TSPEAR: variants seen among roughly 807,000 people sequenced by gnomAD.
The protein encoded by TSPEAR is thrombospondin type laminin G domain and EAR repeats.
TSPEAR carries 69 observed loss-of-function variants against 71.6 expected under a neutral mutation model. The ratio of observed to expected loss-of-function variants is 0.96; its 90% CI spans 0.79 to 1.18. TSPEAR has a LOEUF of 1.18. Ranked by LOEUF, TSPEAR falls within the 50% of genes most tolerant of loss-of-function variation. TSPEAR has a pLI of 0.00. For missense variants in TSPEAR, 971 were observed against 894.9 expected, an observed-to-expected ratio of 1.09 and a Z score of -1.09; for synonymous variants, 402 against 387.2, an observed-to-expected ratio of 1.04 and a Z score of -0.45.
At chr21:44,644,960 C>A (rs587694761) in intron 1 of TSPEAR, among the ~76,000 whole-genome samples, 1 of 152,024 alleles carries the variant, frequency 6.6e-6, no homozygotes, top group South Asian at 2.1e-4. Context: ...TAAAAAATGA[C>A]AAATGACCAG....
At chr21:44,575,880 C>T (rs587730329) in intron 1 of TSPEAR, among the ~76,000 whole-genome samples, 94 of 149,050 alleles carry the variant, frequency 6.3e-4, no homozygotes, top group African/African-American at 2.2e-3. Context: ...ACCCTCCGGC[C>T]TCTCTAAGGT....
At chr21:44,659,225 T>G (rs1490596131) in intron 1 of TSPEAR, among the ~76,000 whole-genome samples, 1 of 151,682 alleles carries the variant, frequency 6.6e-6, no homozygotes, top group Non-Finnish European at 1.5e-5. Context: ...ACGTCAGGCA[T>G]GCAGGGGCGT....
chr21:44,697,010 C>A (rs186620196), intron 1 of TSPEAR, among the ~76,000 whole-genome samples: 4 of 139,230 alleles, frequency 2.9e-5, no homozygotes, highest in Non-Finnish European at 6.5e-5. Flanking sequence ...CCCTCCTTCC[C>A]ATCCAGCACC....
intron 1 of TSPEAR, chr21:44,675,807 T>G: frequency 1.7e-6 from 1 of 572,064 alleles, no homozygotes; most frequent in South Asian, 2.0e-5. Flanking sequence ...GGCAAACCCT[T>G]CATGTATCAC....
At chr21:44,616,127 T>C (rs1195995191) in intron 1 of TSPEAR, among the ~76,000 whole-genome samples, 1 of 152,122 alleles carries the variant, frequency 6.6e-6, no homozygotes, top group Non-Finnish European at 1.5e-5. Context: ...CGGGGCTTCC[T>C]ATGTGTCACT....
At chr21:44,509,041 C>A (rs1396524016) in intron 10 of TSPEAR, 158 bp downstream of exon 10, 5 of 1,393,668 alleles carry the variant, frequency 3.6e-6, no homozygotes, top group Non-Finnish European at 4.9e-6. Context: ...CCAGGCCATT[C>A]TTTCCACAGG....
At chr21:44,636,287 G>A (rs1035156764) in intron 1 of TSPEAR, among the ~76,000 whole-genome samples, 19 of 152,190 alleles carry the variant, frequency 1.2e-4, no homozygotes, top group Non-Finnish European at 2.2e-4. Flanking sequence ...TTATGCTTTC[G>A]TTCACATCTG....
chr21:44,634,630 C>T (rs1245914865), intron 1 of TSPEAR, among the ~76,000 whole-genome samples: 2 of 152,076 alleles, frequency 1.3e-5, no homozygotes, highest in Non-Finnish European at 2.9e-5. Context: ...TCTTATAATT[C>T]AACAACAAAA....
chr21:44,516,535 CACT>C (rs1555913460), intron 9 of TSPEAR: 2 of 152,274 alleles, frequency 1.3e-5, no homozygotes, highest in African/African-American at 4.8e-5. Context: ...GTTGTACCTC[CACT>C]AATAAACACC....
intron 1 of TSPEAR, among the ~76,000 whole-genome samples, chr21:44,680,451 T>C (rs1986527391): frequency 6.6e-6 from 1 of 152,198 alleles, no homozygotes; most frequent in South Asian, 2.1e-4. Context: ...TGTGGAAGTG[T>C]AAATTAGTAC....
At chr21:44,632,507 A>G (rs1555935886) in intron 1 of TSPEAR, among the ~76,000 whole-genome samples, 1 of 152,248 alleles carries the variant, frequency 6.6e-6, no homozygotes, top group African/African-American at 2.4e-5. Context: ...GATGAAATCA[A>G]AGGGCACTAG....
At chr21:44,569,324 C>T (rs587708366) in intron 1 of TSPEAR, among the ~76,000 whole-genome samples, 90 of 152,214 alleles carry the variant, frequency 5.9e-4, no homozygotes, top group African/African-American at 2.0e-3. Context: ...CGTGCACGTC[C>T]GCAAGTGTGC....
intron 1 of TSPEAR, among the ~76,000 whole-genome samples, chr21:44,672,596 T>C (rs1407826368): frequency 1.3e-5 from 2 of 152,022 alleles, no homozygotes; most frequent in Non-Finnish European, 1.5e-5. Context: ...AAAACCTATT[T>C]AGCAAAATGA....
intron 2 of TSPEAR, chr21:44,558,321 G>T (rs1201986689): frequency 7.4e-6 from 12 of 1,614,092 alleles, no homozygotes; most frequent in Non-Finnish European, 1.0e-5. Flanking sequence ...TGAAGAGGAA[G>T]CCCCAGAGCA....
chr21:44,558,364 C>T (rs2053575901), intron 2 of TSPEAR: 1 of 1,612,724 alleles, frequency 6.2e-7, no homozygotes, highest in Non-Finnish European at 8.5e-7. Context: ...TTGCAGCAGA[C>T]AGGCTTGCAG....
chr21:44,574,403 G>T, intron 1 of TSPEAR: 2 of 1,602,636 alleles, frequency 1.2e-6, no homozygotes, highest in Non-Finnish European at 1.7e-6. Flanking sequence ...CTAGCTGCCA[G>T]CCGGCTTGCT....
rs375486397 is a variant in TSPEAR, at chr21:44,572,061, C to T, written c.83-4056G>A. On this transcript the variant is annotated intron_variant, in intron 1 of 11. Coordinates refer to ENST00000323084, the MANE Select transcript of TSPEAR (RefSeq NM_144991.3). ...AACGGCGGCACCGCGAGGGATGGGCCGCGGCCGTGTCACCTCCATGCCCCA... is the reference window on the plus strand; with the variant it reads ...AACGGCGGCACCGCGAGGGATGGGCTGCGGCCGTGTCACCTCCATGCCCCA... Among the ~76,000 whole-genome samples the T allele has an allele frequency of 2.0e-3, 306 of 152,346 alleles. 1 individual carries two copies. The highest frequency in any genetic ancestry group is 6.9e-3 in the African/African-American group (286 of 41,580).
At chr21:44,659,344 A>G (rs373184304) in intron 1 of TSPEAR, among the ~76,000 whole-genome samples, 1 of 126,448 alleles carries the variant, frequency 7.9e-6, no homozygotes, top group African/African-American at 3.9e-5. Context: ...AAGCACAAGC[A>G]CTGATACACC....
At position 44,654,248 on chromosome 21, in the gene TSPEAR, C is replaced by T. The variant is rs587601295; in HGVS notation, c.82+57185G>A. The T allele has an allele frequency of 1.1e-5, 18 of 1,585,684 alleles. No homozygotes were observed. In the African/African-American group the frequency reaches 2.3e-4, roughly 20 times the overall value. ...GAGCCTGCTGGCTTCTGACCTCGCACCTACGAGGGTCATAGGAGGCCACCT... is the reference window on the plus strand; with the variant it reads ...GAGCCTGCTGGCTTCTGACCTCGCATCTACGAGGGTCATAGGAGGCCACCT... On this transcript the variant is annotated intron_variant, in intron 1 of 11. Coordinates refer to ENST00000323084, the MANE Select transcript of TSPEAR (RefSeq NM_144991.3).
Sources: gnomAD v4.1 joint callset for allele counts (sites outside exome capture counted in the v4.1 genomes callset) on GRCh38, gnomAD v4.1.1 for gene constraint, MANE v1.5 for transcripts, NCBI Gene and HGNC (gene_info 2026-07-23, HGNC 2026-07-21) for gene names.